Variants in CDK5RAP2 observed in about 807,000 individuals in gnomAD.
CDK5RAP2 encodes CDK5 regulatory subunit-associated protein 2.
A neutral mutation model predicts 232.9 loss-of-function variants in CDK5RAP2; 147 were observed. That is an observed-to-expected ratio of 0.63 (90% confidence interval 0.55 to 0.72). CDK5RAP2 has a LOEUF of 0.72. CDK5RAP2 is among the 30% of genes least tolerant of loss of function. The pLI is 0.00. For synonymous variants in CDK5RAP2, 833 were observed against 833.7 expected (o/e 1.00, Z 0.01); for missense variants, 2,195 against 2,231.5 (o/e 0.98, Z 0.33).
chr9:120,566,064 T>C (rs981194920), intron 3 of CDK5RAP2, among the ~76,000 whole-genome samples: 2 of 152,254 alleles, frequency 1.3e-5, no homozygotes, highest in African/African-American at 4.8e-5. Context: ...ATCAATCATC[T>C]GAGACTAGAA....
intron 8 of CDK5RAP2, 127 bp from the exon 9 acceptor site, chr9:120,528,924 A>G: frequency 2.8e-6 from 2 of 723,306 alleles, no homozygotes; most frequent in Non-Finnish European, 5.1e-6. Context: ...TCGTTAAAAC[A>G]AGTGTCCCCT....
chr9:120,522,981 G>A (rs1488188375), intron 11 of CDK5RAP2, among the ~76,000 whole-genome samples: 2 of 152,204 alleles, frequency 1.3e-5, no homozygotes, highest in Non-Finnish European at 2.9e-5. Flanking sequence ...AAAGAGCATA[G>A]GCTTTGAAGA....
chr9:120,480,777 A>G (rs2038261465), intron 14 of CDK5RAP2, among the ~76,000 whole-genome samples: 1 of 152,226 alleles, frequency 6.6e-6, no homozygotes, highest in African/African-American at 2.4e-5. Context: ...CTGACAAAAC[A>G]AGGCCAAGGC....
chr9:120,532,971 C>T (rs2041220478), intron 7 of CDK5RAP2, among the ~76,000 whole-genome samples: 1 of 152,144 alleles, frequency 6.6e-6, no homozygotes, highest in Admixed American at 6.5e-5. Flanking sequence ...CAGGACCACT[C>T]TCCTCTAGGA....
chr9:120,520,838 GTATCTCATATA>G (rs561602040), intron 11 of CDK5RAP2, among the ~76,000 whole-genome samples: 72 of 150,208 alleles, frequency 4.8e-4, no homozygotes, highest in African/African-American at 1.6e-3. Flanking sequence ...CATATGAGCT[GTATCTCATATA>G]TATCTCATAT....
In CDK5RAP2 at chr9:120,528,739, C is replaced by T. The variant is rs1465932698; in HGVS notation, c.879+5G>A. Reference sequence around the variant, plus strand: ...AATACATTTTTTAAAATTGTATCAACATACCTGGATCCTCTCTTCAAAGCT... The same window carrying T: ...AATACATTTTTTAAAATTGTATCAATATACCTGGATCCTCTCTTCAAAGCT... On this transcript the variant is annotated splice_donor_5th_base_variant and intron_variant, in intron 9 of 37. Transcript: ENST00000349780. 3 of 1,575,512 alleles carry T rather than the reference C, an allele frequency of 1.9e-6. No individual in the cohort carries two copies. Among genetic ancestry groups the T allele is most frequent in the African/African-American group, 1.3e-5 (1 of 74,380 alleles).
Position 120,448,002 on chromosome 9 carries a change from C to T in CDK5RAP2, c.2918G>A (p.Gly973Glu), listed in dbSNP as rs756738198. 2 of 1,614,128 alleles carry T rather than the reference C, an allele frequency of 1.2e-6. No individual in the cohort carries two copies. Among genetic ancestry groups the T allele is most frequent in the South Asian group, 2.2e-5 (2 of 91,084 alleles). ...ACAAGTTTTAAACTCCTTCAGCTCC[C>T]CCTGCAGCTCCAAGATCTGGCTCTG... is the stretch of plus-strand genomic sequence containing the variant. ...QLQSQILELQ[G>E]ELKEFKTCNK... Residue 973 changes from glycine (G) to glutamate (E), a missense_variant, in exon 22 of 38, where the codon GGG (glycine) becomes GAG (glutamate). Gly to Glu is a moderately conservative substitution (Grantham distance 98, BLOSUM62 -2). Transcript: ENST00000349780.
At chr9:120,489,863 A>G (rs1207782795) in intron 13 of CDK5RAP2, among the ~76,000 whole-genome samples, 1 of 147,914 alleles carries the variant, frequency 6.8e-6, no homozygotes, top group Non-Finnish European at 1.5e-5. Context: ...GCTGGAGTGC[A>G]GTGGCACAAT....
Position 120,413,843 on chromosome 9 carries a change from GA to G in CDK5RAP2, c.4297+1196del, listed in dbSNP as rs1246251927. Among the ~76,000 whole-genome samples, 164 of 147,762 alleles carry G rather than the reference GA, an allele frequency of 1.1e-3. 2 individuals carry two copies. Among genetic ancestry groups the G allele is most frequent in the South Asian group, 6.4e-3 (28 of 4,398 alleles). ...GAGGGAGGAGGGAGGAGGGAGGAGG[GA>G]AGGAGGAGGGAGGGAGAGGGCGAGA... On this transcript the variant is annotated intron_variant, in intron 28 of 37. Coordinates refer to ENST00000349780, the MANE Select transcript of CDK5RAP2 (RefSeq NM_018249.6).
intron 1 of CDK5RAP2, 49 bp from the exon 2 acceptor site, chr9:120,572,090 G>C (rs2042876427): frequency 1.4e-5 from 19 of 1,405,356 alleles, no homozygotes; most frequent in Non-Finnish European, 1.9e-5. Flanking sequence ...TTGAACAACA[G>C]AGACTGTTAA....
In CDK5RAP2 at chr9:120,511,085, A is replaced by G. The variant is rs967437286; in HGVS notation, c.1311+7342T>C. Among the ~76,000 whole-genome samples, 4 of 152,246 alleles carry G rather than the reference A, an allele frequency of 2.6e-5. No homozygotes were observed. In the South Asian group the frequency reaches 8.3e-4, roughly 32 times the overall value. ...GGGCTCAACTTCTCAGTGTTCGTGCACAATGAGACACAGTGAATTCATAAG... is the reference window on the plus strand; with the variant it reads ...GGGCTCAACTTCTCAGTGTTCGTGCGCAATGAGACACAGTGAATTCATAAG... On this transcript the variant is annotated intron_variant, in intron 12 of 37. Transcript: ENST00000349780.
In CDK5RAP2 at chr9:120,460,584, C is replaced by T. The variant is rs1049532401; in HGVS notation, c.2190G>A (p.Gln730=). The T allele has an allele frequency of 6.2e-7, 1 of 1,614,096 alleles. No individual in the cohort carries two copies. The highest frequency in any genetic ancestry group is 2.2e-5 in the East Asian group (1 of 44,876). ...EINFLSDQHL[Q]QSNEIMKDLS... is the part of the protein sequence containing the mutation. ...GAAAGGTTCCTACCTCATTACTCTG[C>T]TGCAAATGCTGGTCACTCAGGAAAT... Residue 730 remains glutamine, a synonymous_variant, in exon 19 of 38, where the codon CAG becomes CAA. Coordinates refer to ENST00000349780, the MANE Select transcript of CDK5RAP2 (RefSeq NM_018249.6).
intron 35 of CDK5RAP2, among the ~76,000 whole-genome samples, chr9:120,397,129 GGCT>G (rs1446976983): frequency 2.0e-5 from 3 of 152,200 alleles, no homozygotes; most frequent in Admixed American, 1.3e-4. Context: ...GGAGGCCTCA[GGCT>G]TCCTCGTCAG....
At chr9:120,514,482 A>G (rs1014163715) in intron 12 of CDK5RAP2, among the ~76,000 whole-genome samples, 1 of 152,202 alleles carries the variant, frequency 6.6e-6, no homozygotes, top group African/African-American at 2.4e-5. Flanking sequence ...CCAGGGCAGC[A>G]AAGTGTGGGA....
intron 4 of CDK5RAP2, among the ~76,000 whole-genome samples, chr9:120,548,948 G>A (rs1443445423): frequency 6.6e-6 from 1 of 152,200 alleles, no homozygotes; most frequent in Admixed American, 6.5e-5. Flanking sequence ...CTTGAGGCCA[G>A]GAGTTTGAGA....
rs2040459887 is a variant in CDK5RAP2 at position 120,518,419 on chromosome 9, G to C, written c.1311+8C>G. The stretch of plus-strand genomic sequence containing the variant: ...TCCACTGTGTCAGAAGGGCAGGGCG[G>C]TACTCACACGGATGGTGCAGTCTCC... On this transcript the variant is annotated splice_region_variant and intron_variant, in intron 12 of 37. Transcript: ENST00000349780. 1.2e-6 allele frequency: 2 copies of C among 1,611,008 alleles called. No homozygotes were observed.
chr9:120,470,644 C>A (rs2037644641), intron 16 of CDK5RAP2, among the ~76,000 whole-genome samples: 1 of 149,630 alleles, frequency 6.7e-6, no homozygotes, highest in Non-Finnish European at 1.5e-5. Context: ...AGTGTCTGAT[C>A]ATTTTTTTTT....
Position 120,439,926 on chromosome 9 carries a change from G to A in CDK5RAP2, c.3195C>T (p.Cys1065=). The A allele has an allele frequency of 6.2e-7, 1 of 1,614,162 alleles. No individual in the cohort carries two copies. The highest frequency in any genetic ancestry group is 8.5e-7 in the Non-Finnish European group (1 of 1,180,022). The change falls in exon 24 of 38, where the codon TGC becomes TGT. Residue 1065 remains cysteine, a synonymous_variant. Transcript: ENST00000349780. ...PPDDLASLPS[C]KENPEDVLSP... Reference sequence around the variant, plus strand: ...TCAGAACATCTTCAGGATTTTCTTTGCATGATGGCAAGCTGGCAAGGTCAT... The same window carrying A: ...TCAGAACATCTTCAGGATTTTCTTTACATGATGGCAAGCTGGCAAGGTCAT...
chr9:120,527,857 CCTCTTT>C lies in CDK5RAP2; in HGVS notation c.942_947del (p.Lys315_Arg316del). On this transcript the variant is annotated inframe_deletion, in exon 10 of 38. Coordinates refer to ENST00000349780, the MANE Select transcript of CDK5RAP2 (RefSeq NM_018249.6). ...TGGTTAAACCCTGAATGGCTTTATCCCTCTTTAGACTATTTTTCTTCTCTGTAGCAA... is the reference window on the plus strand; with the variant it reads ...TGGTTAAACCCTGAATGGCTTTATCCAGACTATTTTTCTTCTCTGTAGCAA... The C allele has an allele frequency of 6.2e-7, 1 of 1,613,660 alleles. No homozygotes were observed. Among genetic ancestry groups the C allele is most frequent in the Non-Finnish European group, 8.5e-7 (1 of 1,179,794 alleles).
Sources: allele counts gnomAD v4.1 joint callset (sites outside exome capture counted in the v4.1 genomes callset), GRCh38; gene constraint gnomAD v4.1.1; transcripts MANE v1.5; gene names NCBI Gene and HGNC (gene_info 2026-07-23, HGNC 2026-07-21).